MAF: variants seen among roughly 807,000 people sequenced by gnomAD.
MAF encodes the protein MAF bZIP transcription factor.
A neutral mutation model predicts 22.0 loss-of-function variants in MAF; 10 were observed. That is an observed-to-expected ratio of 0.45 (90% CI 0.28 to 0.77). The LOEUF (loss-of-function observed/expected upper bound fraction) is 0.77, where lower values mean the gene tolerates loss of function less well. Ranked by LOEUF, MAF falls within the 30% of genes least tolerant of loss-of-function variation. MAF has a pLI of 0.12. For missense variants in MAF, 544 were observed against 548.4 expected (o/e 0.99, Z 0.08); for synonymous variants, 337 against 255.8 (o/e 1.32, Z -3.03).
chr16:79,375,032 C>G, the MAF span, among the ~76,000 whole-genome samples: 1 of 152,104 alleles, frequency 6.6e-6, no homozygotes. Context: ...TCTTCTTACT[C>G]TCAGTTTATA....
At chr16:79,576,441 G>A in the MAF span, among the ~76,000 whole-genome samples, 3 of 152,120 alleles carry the variant, frequency 2.0e-5, no homozygotes, top group Non-Finnish European at 2.9e-5. Context: ...CTCTGAGGCG[G>A]ATGATAGCAA....
chr16:79,262,787 C>A, the MAF span, among the ~76,000 whole-genome samples: 1 of 152,144 alleles, frequency 6.6e-6, no homozygotes, highest in African/African-American at 2.4e-5. Flanking sequence ...CCCAGCCAAT[C>A]TAAATGGGAG....
At chr16:79,557,464 G>A in the MAF span, among the ~76,000 whole-genome samples, 1 of 152,058 alleles carries the variant, frequency 6.6e-6, no homozygotes, top group Non-Finnish European at 1.5e-5. Flanking sequence ...CCCAAATGCA[G>A]AGCACAAAGA....
chr16:79,335,859 G>A, the MAF span, among the ~76,000 whole-genome samples: 8 of 152,270 alleles, frequency 5.3e-5, no homozygotes, highest in South Asian at 8.3e-4. Context: ...AGGCAGGGGC[G>A]AAGAGACAGC....
At chr16:79,308,173 C>A in the MAF span, among the ~76,000 whole-genome samples, 1 of 152,170 alleles carries the variant, frequency 6.6e-6, no homozygotes, top group African/African-American at 2.4e-5. Flanking sequence ...ACAATCAATA[C>A]GGATCACTGC....
the MAF span, among the ~76,000 whole-genome samples, chr16:79,207,150 C>G: frequency 6.6e-6 from 1 of 152,164 alleles, no homozygotes; most frequent in South Asian, 2.1e-4. Context: ...GGCTCACCCC[C>G]TCATCTCCAC....
chr16:79,275,716 TAC>T, the MAF span, among the ~76,000 whole-genome samples: 1 of 152,208 alleles, frequency 6.6e-6, no homozygotes, highest in Non-Finnish European at 1.5e-5. Flanking sequence ...AGACAAAACT[TAC>T]AGCCTCATGA....
At chr16:79,482,139 G>C in the MAF span, among the ~76,000 whole-genome samples, 1 of 152,188 alleles carries the variant, frequency 6.6e-6, no homozygotes, top group South Asian at 2.1e-4. Flanking sequence ...TTATTAAAGA[G>C]ACTCAACTGA....
At chr16:79,415,136 C>T in the MAF span, among the ~76,000 whole-genome samples, 9 of 152,328 alleles carry the variant, frequency 5.9e-5, no homozygotes, top group Admixed American at 4.6e-4. Flanking sequence ...CTAACATTGT[C>T]CTCAACCACG....
At chr16:79,371,925 T>G in the MAF span, among the ~76,000 whole-genome samples, 1 of 152,262 alleles carries the variant, frequency 6.6e-6, no homozygotes, top group African/African-American at 2.4e-5. Flanking sequence ...GCTTCGCTTT[T>G]TCTCATCTGT....
the MAF span, among the ~76,000 whole-genome samples, chr16:79,400,423 T>C: frequency 6.6e-6 from 1 of 152,198 alleles, no homozygotes. Context: ...CCCCACAAGG[T>C]CTTAGGAAGA....
At chr16:79,266,025 CTTCTT>C in the MAF span, among the ~76,000 whole-genome samples, 24 of 142,066 alleles carry the variant, frequency 1.7e-4, no homozygotes, top group East Asian at 7.5e-4. Flanking sequence ...CCTTTCTTTT[CTTCTT>C]TTCTTTTCTT....
the MAF span, among the ~76,000 whole-genome samples, chr16:79,496,983 C>T: frequency 6.6e-6 from 1 of 152,098 alleles, no homozygotes; most frequent in Non-Finnish European, 1.5e-5. Flanking sequence ...GAGGCAGAAA[C>T]TTAAGTGAGT....
At chr16:79,404,324 G>C in the MAF span, among the ~76,000 whole-genome samples, 1 of 151,806 alleles carries the variant, frequency 6.6e-6, no homozygotes, top group South Asian at 2.1e-4. Flanking sequence ...CCACCACACC[G>C]TGCTAATTTT....
chr16:79,211,323 C>G, the MAF span, among the ~76,000 whole-genome samples: 1 of 152,146 alleles, frequency 6.6e-6, no homozygotes, highest in Non-Finnish European at 1.5e-5. Flanking sequence ...AGGCGCCTGC[C>G]ACGACGTATT....
the MAF span, among the ~76,000 whole-genome samples, chr16:79,210,670 C>T: frequency 2.6e-5 from 4 of 152,212 alleles, no homozygotes; most frequent in Admixed American, 6.5e-5. Flanking sequence ...AAATTAGAGA[C>T]GTGCCGACCA....
chr16:79,482,211 C>A, the MAF span, among the ~76,000 whole-genome samples: 2 of 152,198 alleles, frequency 1.3e-5, no homozygotes, highest in African/African-American at 2.4e-5. Flanking sequence ...TAAGGGGAGA[C>A]CACAGTCATA....
the MAF span, among the ~76,000 whole-genome samples, chr16:79,251,506 G>A: frequency 3.3e-5 from 5 of 151,828 alleles, no homozygotes; most frequent in East Asian, 1.9e-4. Flanking sequence ...TAGTAGAGAC[G>A]GGATTTCACC....
chr16:79,352,389 A>T, the MAF span, among the ~76,000 whole-genome samples: 1 of 152,078 alleles, frequency 6.6e-6, no homozygotes, highest in Admixed American at 6.6e-5. Context: ...GAGGTGTCAT[A>T]GCACTGAGGT....
Sources: gnomAD v4.1 joint callset for allele counts (sites outside exome capture counted in the v4.1 genomes callset) on GRCh38, gnomAD v4.1.1 for gene constraint, MANE v1.5 for transcripts, NCBI Gene and HGNC (gene_info 2026-07-23, HGNC 2026-07-21) for gene names.